ROCK2: variants seen among roughly 807,000 people sequenced by gnomAD.
The protein encoded by ROCK2 is Rho associated coiled-coil containing protein kinase 2.
In ROCK2, 61 loss-of-function variants were observed where a neutral mutation model predicts 195.1. The ratio of observed to expected loss-of-function variants is 0.31; its 90% CI spans 0.25 to 0.39. ROCK2 has a LOEUF of 0.39. Ranked by LOEUF, ROCK2 falls within the 10% of genes least tolerant of loss-of-function variation. ROCK2 has a pLI of 1.00. For synonymous variants in ROCK2, 504 were observed against 545.5 expected, an observed-to-expected ratio of 0.92 and a Z score of 1.06; for missense variants, 1,109 against 1,637.4, an observed-to-expected ratio of 0.68 and a Z score of 5.57.
chr2:11,286,851 C>T (rs34623763), intron 2 of ROCK2, among the ~76,000 whole-genome samples: 60,176 of 152,026 alleles, frequency 0.4, 13,500 homozygotes, highest in Admixed American at 0.52. Context: ...ATGAACACCA[C>T]TGACTGCCAA....
At chr2:11,291,999 T>TG (rs1667377629) in intron 1 of ROCK2, among the ~76,000 whole-genome samples, 1 of 151,880 alleles carries the variant, frequency 6.6e-6, no homozygotes, top group Non-Finnish European at 1.5e-5. Context: ...CAGACTATGA[T>TG]AGTTAATCTG....
At position 11,208,312 on chromosome 2, in the gene ROCK2, T is replaced by G; in HGVS notation, c.2339A>C (p.Lys780Thr). The G allele has an allele frequency of 6.7e-7, 1 of 1,482,540 alleles. No individual in the cohort carries two copies. Among genetic ancestry groups the G allele is most frequent in the Non-Finnish European group, 9.1e-7 (1 of 1,103,146 alleles). 91.8% of individuals were successfully genotyped at this position (1,482,540 alleles called of 1,614,324 possible). A position where few individuals can be genotyped will look rare whatever the true frequency, so the allele number is the denominator to read the frequency against. ...ATCCTCATTTAGCACATCTTTCTGT[T>G]TAAGGAGCTCATTTATTTTCTGCTG... ...QSQQKINELL[K>T]QKDVLNEDVR... Residue 780 changes from lysine to threonine, a missense_variant, in exon 19 of 33, where the codon AAA (lysine) becomes ACA (threonine). Lys to Thr is a moderately conservative substitution (Grantham distance 78). Coordinates refer to ENST00000315872, the MANE Select transcript of ROCK2 (RefSeq NM_004850.5).
intron 1 of ROCK2, among the ~76,000 whole-genome samples, chr2:11,343,333 AG>A (rs1469032725): frequency 2.6e-5 from 4 of 152,198 alleles, no homozygotes; most frequent in African/African-American, 9.7e-5. Flanking sequence ...TGGATTTCAA[AG>A]GTCGTTATAG....
intron 1 of ROCK2, among the ~76,000 whole-genome samples, chr2:11,311,541 CCTCAAAAGAT>C (rs1668036158): frequency 6.6e-6 from 1 of 152,094 alleles, no homozygotes. Flanking sequence ...CTAGACCAAC[CCTCAAAAGAT>C]TAAAAATCTG....
intron 3 of ROCK2, among the ~76,000 whole-genome samples, chr2:11,279,393 C>T (rs895798013): frequency 5.9e-5 from 9 of 152,100 alleles, no homozygotes; most frequent in East Asian, 1.9e-4. Flanking sequence ...TAATTTCAGA[C>T]GAGCAAACTT....
chr2:11,197,306 T>C lies in ROCK2; in HGVS notation c.3322A>G (p.Thr1108Ala), dbSNP rs1048040636. 48 of 1,613,876 alleles carry C rather than the reference T, an allele frequency of 3.0e-5. No individual in the cohort carries two copies. Among genetic ancestry groups the C allele is most frequent in the Non-Finnish European group, 3.9e-5 (46 of 1,179,930 alleles). Residue 1108 changes from threonine to alanine, a missense_variant, in exon 27 of 33, where the codon ACA (threonine) becomes GCA (alanine). This residue lies in a region of ROCK2 where 221 missense variants were observed against 355.1 expected (regional missense o/e 0.62). Transcript: ENST00000315872. This position sits in a 1 kb window ranked among gnomAD's most constrained non-coding sequence, Gnocchi z 4.9. ...ATGTCACTGTCTTTACTGTCCAATG[T>C]CATCTGCAGTTCAATTCGAATCTGG... ...ESQIRIELQM[T>A]LDSKDSDIEQ...
chr2:11,311,525 T>A (rs953701547), intron 1 of ROCK2, among the ~76,000 whole-genome samples: 7 of 151,952 alleles, frequency 4.6e-5, no homozygotes, highest in African/African-American at 1.7e-4. Context: ...TAAGGAAAAA[T>A]AAAAACTAGA....
intron 17 of ROCK2, among the ~76,000 whole-genome samples, chr2:11,212,585 C>A (rs1035532321): frequency 2.0e-5 from 3 of 151,932 alleles, no homozygotes; most frequent in African/African-American, 7.3e-5. Flanking sequence ...GTGATCTAAG[C>A]CCCAATACTC....
chr2:11,345,201 C>T (rs1045099009), upstream of ROCK2, among the ~76,000 whole-genome samples: 16 of 152,190 alleles, frequency 1.1e-4, no homozygotes, highest in Non-Finnish European at 2.2e-4. Flanking sequence ...TTAGCGGAGG[C>T]GGGTGGAATC....
Position 11,340,614 on chromosome 2 carries a change from T to C in ROCK2, c.141+3382A>G, listed in dbSNP as rs894222175. On this transcript the variant is annotated intron_variant, in intron 1 of 32. Transcript: ENST00000315872. ...TTTATTCTATTTCATTTTTATTGTA[T>C]CTTTATAATGTTCTTACTTATTACA... 3.9e-5 allele frequency among the ~76,000 whole-genome samples: 6 copies of C among 152,348 alleles called. No homozygotes were observed. The East Asian group carries it at 1.2e-3, about 29-fold the overall frequency.
chr2:11,275,359 T>C (rs1372908665), intron 3 of ROCK2, among the ~76,000 whole-genome samples: 2 of 152,214 alleles, frequency 1.3e-5, no homozygotes, highest in African/African-American at 4.8e-5. Flanking sequence ...CCTTATTGTA[T>C]GTAATATTTT....
intron 1 of ROCK2, among the ~76,000 whole-genome samples, chr2:11,300,883 A>G (rs1292144953): frequency 6.6e-6 from 1 of 152,200 alleles, no homozygotes; most frequent in Non-Finnish European, 1.5e-5. Context: ...ATTGGTGAGC[A>G]GAATTAGAAA....
intron 4 of ROCK2, among the ~76,000 whole-genome samples, chr2:11,242,794 A>C (rs1466386016): frequency 6.6e-6 from 1 of 152,112 alleles, no homozygotes; most frequent in Non-Finnish European, 1.5e-5. Flanking sequence ...ATGATTTCTC[A>C]CTGCGCCTGC....
At chr2:11,240,636 G>A (rs142675239) in intron 4 of ROCK2, among the ~76,000 whole-genome samples, 67 of 152,264 alleles carry the variant, frequency 4.4e-4, no homozygotes, top group East Asian at 3.7e-3. Flanking sequence ...GTCATTGAAG[G>A]GTACAAGTGA....
chr2:11,221,428 T>C (rs1022635414), intron 8 of ROCK2, 71 bp from the exon 9 acceptor site: 54 of 1,108,982 alleles, frequency 4.9e-5, no homozygotes, highest in Middle Eastern at 5.5e-4. Flanking sequence ...TTTATTATGA[T>C]GTATTATTTA....
rs528474751 is a variant in ROCK2, at chr2:11,251,794, A to G, written c.325-1996T>C. On this transcript the variant is annotated intron_variant, in intron 3 of 32. Transcript: ENST00000315872. ...CAAAGGGCTAATAACCAGAATCTACAAGGAACTTAAACAAATTTACAAGAA... is the reference window on the plus strand; with the variant it reads ...CAAAGGGCTAATAACCAGAATCTACGAGGAACTTAAACAAATTTACAAGAA... Among the ~76,000 whole-genome samples the G allele has an allele frequency of 3.3e-4, 51 of 152,340 alleles. 1 individual carries two copies. The highest frequency in any genetic ancestry group is 1.1e-3 in the African/African-American group (44 of 41,588).
upstream of ROCK2, among the ~76,000 whole-genome samples, chr2:11,345,414 A>T (rs1266397751): frequency 6.6e-6 from 1 of 152,176 alleles, no homozygotes; most frequent in African/African-American, 2.4e-5. Context: ...GGCCGGTGCC[A>T]TCGCTTAGAT....
At chr2:11,204,043 TACAGA>T (rs1480760477) in intron 20 of ROCK2, among the ~76,000 whole-genome samples, 1 of 152,044 alleles carries the variant, frequency 6.6e-6, no homozygotes, top group Admixed American at 6.6e-5. Context: ...AAATGAGGAG[TACAGA>T]ACAGAAGGAA....
At position 11,214,418 on chromosome 2, in the gene ROCK2, A is replaced by G; in HGVS notation, c.1982T>C (p.Leu661Ser). Residue 661 changes from leucine to serine, a missense_variant, in exon 17 of 33, where the codon TTA (leucine) becomes TCA (serine). Leu to Ser is a moderately radical substitution (Grantham distance 145). Around this residue, in one of 6 missense-constraint regions of ROCK2, gnomAD observed 542 missense variants for 672.0 expected, o/e 0.81. Transcript: ENST00000315872. Reference protein sequence around the residue: ...LEEDLKNGKILLAKVELEKRQ... With the variant: ...LEEDLKNGKISLAKVELEKRQ... Reference sequence around the variant, plus strand: ...CTTCTCCAGTTCTACTTTCGCTAGTAAGATTTTGCCGTTCTTTAAATCTTC... The same window carrying G: ...CTTCTCCAGTTCTACTTTCGCTAGTGAGATTTTGCCGTTCTTTAAATCTTC... 1 of 1,611,362 alleles carries G rather than the reference A, an allele frequency of 6.2e-7. No individual in the cohort carries two copies.
Sources: allele counts gnomAD v4.1 joint callset (sites outside exome capture counted in the v4.1 genomes callset), GRCh38; gene constraint gnomAD v4.1.1; regional missense constraint gnomAD v4.1.1; non-coding constraint Gnocchi (gnomAD v3.1); transcripts MANE v1.5; gene names NCBI Gene and HGNC (gene_info 2026-07-23, HGNC 2026-07-21).